Variants in MPND observed in about 807,000 individuals in gnomAD.
The protein encoded by MPND is MPN domain containing.
MPND carries 56 observed loss-of-function variants against 59.2 expected under a neutral mutation model. The observed-to-expected ratio is 0.95, with a 90% CI of 0.76 to 1.18. The LOEUF (loss-of-function observed/expected upper bound fraction) is 1.18, where lower values mean the gene tolerates loss of function less well. MPND is among the 50% of genes most tolerant of loss of function. MPND has a pLI of 0.00. For missense variants in MPND, 671 were observed against 676.0 expected (o/e 0.99, Z 0.08); for synonymous variants, 323 against 291.9 (o/e 1.11, Z -1.09).
intron 2 of MPND, among the ~76,000 whole-genome samples, chr19:4,344,532 C>T (rs1972142761): frequency 6.6e-6 from 1 of 152,120 alleles, no homozygotes; most frequent in Non-Finnish European, 1.5e-5. Flanking sequence ...AACACCCCAT[C>T]CCACAAAGGA....
chr19:4,357,186 C>T (rs1972455829), intron 8 of MPND, 67 bp from the exon 9 acceptor site: 25 of 1,494,578 alleles, frequency 1.7e-5, no homozygotes, highest in East Asian at 2.3e-5. Flanking sequence ...TCAGGGCTGG[C>T]CAGCCACATA....
intron 3 of MPND, among the ~76,000 whole-genome samples, chr19:4,347,052 A>G (rs969038280): frequency 9.2e-5 from 14 of 151,952 alleles, no homozygotes; most frequent in African/African-American, 3.4e-4. Flanking sequence ...CAAAACCCCA[A>G]AATGGAGATG....
In MPND at chr19:4,354,034, T is replaced by C; in HGVS notation, c.665-11T>C. On this transcript the variant is annotated splice_polypyrimidine_tract_variant and intron_variant, in intron 4 of 12. Coordinates refer to ENST00000599840, the MANE Select transcript of MPND (RefSeq NM_001300862.2). Reference sequence around the variant, plus strand: ...CTGGGGAGGGACTGACCCTGCCTTTTTCTCTCCCAGAGGCCACAACCCCAG... The same window carrying C: ...CTGGGGAGGGACTGACCCTGCCTTTCTCTCTCCCAGAGGCCACAACCCCAG... The C allele has an allele frequency of 2.5e-6, 4 of 1,609,746 alleles. No homozygotes were observed. Among genetic ancestry groups the C allele is most frequent in the Non-Finnish European group, 3.4e-6 (4 of 1,176,500 alleles).
chr19:4,353,348 A>C (rs977592291), intron 4 of MPND, among the ~76,000 whole-genome samples: 1 of 151,758 alleles, frequency 6.6e-6, no homozygotes, highest in Non-Finnish European at 1.5e-5. Context: ...GCTCACTGCA[A>C]CCTCTGCCTC....
At chr19:4,358,289 G>A in intron 11 of MPND, 117 bp downstream of exon 11, 1 of 892,624 alleles carries the variant, frequency 1.1e-6, no homozygotes, top group Non-Finnish European at 1.7e-6. Flanking sequence ...CGCCTTGGGG[G>A]CCTGGGTTAG....
At position 4,358,063 on chromosome 19, in the gene MPND, C is replaced by T. The variant is rs1972484050; in HGVS notation, c.1237-20C>T. 1.3e-6 allele frequency: 2 copies of T among 1,547,898 alleles called. No individual in the cohort carries two copies. Among genetic ancestry groups the T allele is most frequent in the Non-Finnish European group, 1.7e-6 (2 of 1,144,214 alleles). The stretch of plus-strand genomic sequence containing the variant: ...CTGCGGGCTGGTGAGGCTTCTCTCA[C>T]TGGTCTGTGTCCCTGCCAGCAAAGG... On this transcript the variant is annotated intron_variant, in intron 10 of 12. Transcript: ENST00000599840.
intron 8 of MPND, among the ~76,000 whole-genome samples, 190 bp downstream of exon 8, chr19:4,355,363 T>C (rs1481567863): frequency 8.8e-6 from 1 of 113,382 alleles, no homozygotes; most frequent in Admixed American, 1.2e-4. Flanking sequence ...TGAGACGGAG[T>C]CTCGCTCTGT....
intron 3 of MPND, among the ~76,000 whole-genome samples, 173 bp from the exon 4 acceptor site, chr19:4,352,724 A>T (rs892894246): frequency 6.6e-6 from 1 of 152,114 alleles, no homozygotes; most frequent in African/African-American, 2.4e-5. Context: ...ATAAATAAAA[A>T]AAAATGTGAG....
At chr19:4,351,735 G>A (rs1375675037) in intron 3 of MPND, among the ~76,000 whole-genome samples, 1 of 151,712 alleles carries the variant, frequency 6.6e-6, no homozygotes, top group Non-Finnish European at 1.5e-5. Flanking sequence ...GGTGGCACAT[G>A]CCTATAATCC....
In MPND at chr19:4,358,280, G is replaced by A. The variant is rs568136235; in HGVS notation, c.1326+108G>A. ...GGCTTGGGAAGCTATGGCTGGTGGC[G>A]CCTTGGGGGCCTGGGTTAGGGCTTC... On this transcript the variant is annotated intron_variant, in intron 11 of 12. Coordinates refer to ENST00000599840, the MANE Select transcript of MPND (RefSeq NM_001300862.2). 2.3e-5 allele frequency: 22 copies of A among 949,268 alleles called. 1 individual carries two copies. Among genetic ancestry groups the A allele is most frequent in the African/African-American group, 1.5e-4 (9 of 61,912 alleles). The allele number at this position is 949,268 out of a possible 1,614,324, so 58.8% of individuals were successfully genotyped here. A position where few individuals can be genotyped will look rare whatever the true frequency, so the allele number is the denominator to read the frequency against.
intron 3 of MPND, chr19:4,348,095 T>C (rs1972227451): frequency 6.6e-6 from 1 of 151,104 alleles, no homozygotes; most frequent in Non-Finnish European, 1.5e-5. Flanking sequence ...TTTCACCACG[T>C]TGGCCAGGCT....
chr19:4,346,061 G>A (rs536622166), intron 3 of MPND, 80 bp downstream of exon 3: 126 of 1,207,706 alleles, frequency 1.0e-4, no homozygotes, highest in Middle Eastern at 7.7e-4. Flanking sequence ...AGCTCTCTCC[G>A]GAGGAGGTAT....
At chr19:4,346,985 AC>A (rs969033720) in intron 3 of MPND, among the ~76,000 whole-genome samples, 1 of 151,892 alleles carries the variant, frequency 6.6e-6, no homozygotes, top group African/African-American at 2.4e-5. Context: ...AGCTGAGATC[AC>A]ACCACTGCAT....
At chr19:4,346,010 C>T (rs534462300) in intron 3 of MPND, 29 bp downstream of exon 3, 59 of 1,582,080 alleles carry the variant, frequency 3.7e-5, no homozygotes, top group South Asian at 2.1e-4. Flanking sequence ...TCCAGGAAGC[C>T]GCCCAGGTCA....
At chr19:4,346,487 G>A (rs1568394829) in intron 3 of MPND, among the ~76,000 whole-genome samples, 1 of 151,824 alleles carries the variant, frequency 6.6e-6, no homozygotes, top group Non-Finnish European at 1.5e-5. Context: ...CCCCCATCTT[G>A]GCTCACTACA....
Position 4,352,973 on chromosome 19 carries a change from C to T in MPND, c.608C>T (p.Ala203Val). ...GAGGACGTTCTGGCAGGGGTCTCAG[C>T]AGAGGACAAGAGTCGGAGACCACTG... ...EEEDVLAGVS[A>V]EDKSRRPLGK... The change falls in exon 4 of 13, where the codon GCA becomes GTA. Residue 203 changes from alanine (A) to valine (V), a missense_variant. Ala to Val is a moderately conservative substitution (Grantham distance 64). Transcript: ENST00000599840. 2 of 1,386,554 alleles carry T rather than the reference C, an allele frequency of 1.4e-6. No individual in the cohort carries two copies. The highest frequency in any genetic ancestry group is 2.0e-5 in the South Asian group (1 of 50,152). The allele number at this position is 1,386,554 out of a possible 1,614,324, so 85.9% of individuals were successfully genotyped here. A position where few individuals can be genotyped will look rare whatever the true frequency, so the allele number is the denominator to read the frequency against.
chr19:4,350,744 T>G (rs892730071), intron 3 of MPND, among the ~76,000 whole-genome samples: 18 of 151,776 alleles, frequency 1.2e-4, no homozygotes, highest in African/African-American at 3.1e-4. Flanking sequence ...CATGGAGACA[T>G]AGAGAGGCAG....
chr19:4,354,705 T>C (rs10412616), intron 6 of MPND: 341,340 of 589,134 alleles, frequency 0.58, 100,317 homozygotes, highest in East Asian at 0.74. Flanking sequence ...CTCTACTAAA[T>C]ATACAAAAAT....
chr19:4,359,321 A>G (rs1021918293), intron 12 of MPND, 66 bp downstream of exon 12: 19 of 1,242,240 alleles, frequency 1.5e-5, no homozygotes, highest in Non-Finnish European at 2.0e-5. Context: ...GCAGCCTAAA[A>G]GGTGGCAGCA....
Sources: gnomAD v4.1 joint callset for allele counts (sites outside exome capture counted in the v4.1 genomes callset) on GRCh38, gnomAD v4.1.1 for gene constraint, MANE v1.5 for transcripts, NCBI Gene and HGNC (gene_info 2026-07-23, HGNC 2026-07-21) for gene names.